JAK2: variants seen among roughly 807,000 people sequenced by gnomAD.
JAK2 encodes the protein tyrosine-protein kinase JAK2.
A neutral mutation model predicts 139.3 loss-of-function variants in JAK2; 86 were observed. That is an observed-to-expected ratio of 0.62 (90% CI 0.52 to 0.74). The LOEUF is 0.74. Among genes scored for constraint, JAK2 ranks in the 30% least tolerant of loss-of-function variants. The probability of loss-of-function intolerance (pLI) is 0.00; values close to 1 mark genes in which losing one functional copy is unlikely to be tolerated. For missense variants in JAK2, 1,421 were observed against 1,360.3 expected (o/e 1.04, Z -0.70); for synonymous variants, 490 against 437.7 (o/e 1.12, Z -1.49).
At chr9:5,002,616 T>C (rs986675097) in intron 2 of JAK2, among the ~76,000 whole-genome samples, 2 of 151,956 alleles carry the variant, frequency 1.3e-5, no homozygotes, top group Non-Finnish European at 2.9e-5. Context: ...TTGTTGGGCA[T>C]TGTGTTCTGT....
chr9:5,057,644 G>A lies in JAK2; in HGVS notation c.1056+1856G>A, dbSNP rs943971617. Among the ~76,000 whole-genome samples, 11 of 142,656 alleles carry A rather than the reference G, an allele frequency of 7.7e-5. 1 individual carries two copies. Among genetic ancestry groups the A allele is most frequent in the African/African-American group, 2.5e-4 (9 of 36,178 alleles). 93.6% of individuals were successfully genotyped at this position (142,656 alleles called of 152,430 possible). A position where few individuals can be genotyped will look rare whatever the true frequency, so the allele number is the denominator to read the frequency against. ...GTCATCCAGGCTGGAGCACAATGGC[G>A]CGATCTTGGCTCACTGTAACCTGTG... On this transcript the variant is annotated intron_variant, in intron 8 of 24. Coordinates refer to ENST00000381652, the MANE Select transcript of JAK2 (RefSeq NM_004972.4).
intron 15 of JAK2, 42 bp downstream of exon 15, chr9:5,077,622 T>G (rs1434021998): frequency 1.6e-6 from 2 of 1,276,862 alleles, no homozygotes; most frequent in Non-Finnish European, 2.1e-6. Flanking sequence ...CTATTTTATT[T>G]TATAAAACAA....
chr9:5,091,766 G>A (rs1353334404), intron 22 of JAK2, among the ~76,000 whole-genome samples: 2 of 152,096 alleles, frequency 1.3e-5, no homozygotes, highest in African/African-American at 4.8e-5. Context: ...TTAAGTCGGG[G>A]GGCTGAATGG....
chr9:5,058,644 C>T (rs955941932), intron 8 of JAK2, among the ~76,000 whole-genome samples: 1 of 152,198 alleles, frequency 6.6e-6, no homozygotes, highest in Non-Finnish European at 1.5e-5. Context: ...TTTTCCATAG[C>T]AGCGGCACCA....
intron 2 of JAK2, among the ~76,000 whole-genome samples, chr9:5,003,081 A>G (rs1292726964): frequency 1.3e-5 from 2 of 151,838 alleles, no homozygotes; most frequent in East Asian, 1.9e-4. Context: ...ATTCTGTTCC[A>G]TTTGTCTATT....
intron 14 of JAK2, among the ~76,000 whole-genome samples, chr9:5,074,540 CA>C (rs2130562560): frequency 6.6e-6 from 1 of 152,288 alleles, no homozygotes; most frequent in South Asian, 2.1e-4. Context: ...GTGTCCCAAA[CA>C]GAGAGAATAT....
chr9:5,108,721 GA>G (rs1822185028), intron 22 of JAK2: 1 of 151,956 alleles, frequency 6.6e-6, no homozygotes, highest in Middle Eastern at 3.2e-3. Flanking sequence ...CTATCCCTAT[GA>G]GGGATAGTTA....
At chr9:5,089,217 G>A (rs965956601) in intron 19 of JAK2, among the ~76,000 whole-genome samples, 1 of 152,032 alleles carries the variant, frequency 6.6e-6, no homozygotes, top group Non-Finnish European at 1.5e-5. Context: ...TCCTTTTCTT[G>A]TTCTAAGAGT....
chr9:5,046,268 G>T (rs1170163622), intron 5 of JAK2, among the ~76,000 whole-genome samples: 1 of 152,022 alleles, frequency 6.6e-6, no homozygotes, highest in Non-Finnish European at 1.5e-5. Context: ...CAGGTTGTTT[G>T]TTTGTTGTTA....
intron 22 of JAK2, chr9:5,111,251 C>T (rs1411701922): frequency 5.8e-6 from 3 of 515,060 alleles, no homozygotes; most frequent in African/African-American, 1.9e-5. Context: ...TTGGTAGAGA[C>T]GCAGGCGTGC....
chr9:5,082,607 G>C lies in JAK2; in HGVS notation c.2571+746G>C, dbSNP rs558754356. ...TTCACGGATGTTGGGCTGGGGGACG[G>C]TCAGGTCTTTCCCATCCCACGAGGC... On this transcript the variant is annotated intron_variant, in intron 19 of 24. Coordinates refer to ENST00000381652, the MANE Select transcript of JAK2 (RefSeq NM_004972.4). 2.0e-5 allele frequency among the ~76,000 whole-genome samples: 3 copies of C among 152,336 alleles called. No individual in the cohort carries two copies. The East Asian group carries it at 5.8e-4, about 29-fold the overall frequency.
chr9:5,013,522 T>TTCAGATAGTCAGAATGTTA (rs1821840294), intron 2 of JAK2, among the ~76,000 whole-genome samples: 3 of 152,248 alleles, frequency 2.0e-5, no homozygotes, highest in Non-Finnish European at 4.4e-5. Flanking sequence ...TGAGAAGCAC[T>TTCAGATAGTCAGAATGTTA]GACCTATCTG....
intron 22 of JAK2, among the ~76,000 whole-genome samples, chr9:5,092,800 G>A (rs1249391204): frequency 1.3e-5 from 2 of 152,168 alleles, no homozygotes; most frequent in Non-Finnish European, 2.9e-5. Context: ...CAAGCCTGCT[G>A]ATAGCTGGTT....
chr9:5,031,476 G>A (rs914241456), intron 4 of JAK2, among the ~76,000 whole-genome samples: 1 of 152,158 alleles, frequency 6.6e-6, no homozygotes, highest in Non-Finnish European at 1.5e-5. Flanking sequence ...GGAAGGGAGA[G>A]ATTAGTCAAC....
intron 2 of JAK2, among the ~76,000 whole-genome samples, chr9:5,016,503 A>C (rs1235804598): frequency 6.6e-6 from 1 of 152,238 alleles, no homozygotes; most frequent in Non-Finnish European, 1.5e-5. Context: ...ATAGTCAACA[A>C]AATTAAAAAT....
chr9:5,006,818 A>C (rs1251981573), intron 2 of JAK2, among the ~76,000 whole-genome samples: 1 of 152,224 alleles, frequency 6.6e-6, no homozygotes, highest in Non-Finnish European at 1.5e-5. Flanking sequence ...ACACAGAACC[A>C]AACCATATCA....
intron 2 of JAK2, among the ~76,000 whole-genome samples, chr9:5,010,760 C>T (rs1821649505): frequency 6.6e-6 from 1 of 152,118 alleles, no homozygotes; most frequent in Non-Finnish European, 1.5e-5. Flanking sequence ...ACATGATTTT[C>T]TTTATCAGTT....
chr9:5,090,514 C>T lies in JAK2; in HGVS notation c.2830C>T (p.His944Tyr). Residue 944 changes from histidine to tyrosine, a missense_variant, in exon 21 of 25, where the codon CAT becomes TAT. Coordinates refer to ENST00000381652, the MANE Select transcript of JAK2 (RefSeq NM_004972.4). The stretch of plus-strand genomic sequence containing the variant: ...AAGTTTACGAGACTATCTTCAAAAA[C>T]ATAAAGAACGGATAGATCACATAAA... ...YGSLRDYLQK[H>Y]KERIDHIKLL... 2 of 1,591,888 alleles carry T rather than the reference C, an allele frequency of 1.3e-6. No individual in the cohort carries two copies. The highest frequency in any genetic ancestry group is 1.7e-6 in the Non-Finnish European group (2 of 1,168,574).
chr9:5,120,227 G>C (rs992721511), intron 22 of JAK2, among the ~76,000 whole-genome samples: 2 of 152,202 alleles, frequency 1.3e-5, no homozygotes, highest in African/African-American at 4.8e-5. Context: ...GCCAAATGCT[G>C]CATGAAGCCT....
Sources: allele counts gnomAD v4.1 joint callset (sites outside exome capture counted in the v4.1 genomes callset), GRCh38; gene constraint gnomAD v4.1.1; transcripts MANE v1.5; gene names NCBI Gene and HGNC (gene_info 2026-07-23, HGNC 2026-07-21).